GRID2: variants seen among roughly 807,000 people sequenced by gnomAD.
The protein encoded by GRID2 is glutamate ionotropic receptor delta type subunit 2.
A neutral mutation model predicts 114.8 loss-of-function variants in GRID2; 33 were observed. The ratio of observed to expected loss-of-function variants is 0.29; its 90% CI spans 0.22 to 0.38. The LOEUF (loss-of-function observed/expected upper bound fraction) is 0.38, where lower values mean the gene tolerates loss of function less well. Among genes scored for constraint, GRID2 ranks in the 10% least tolerant of loss-of-function variants. The probability of loss-of-function intolerance (pLI) is 1.00; values close to 1 mark genes in which losing one functional copy is unlikely to be tolerated. For missense variants in GRID2, 1,184 were observed against 1,257.7 expected (o/e 0.94, Z 0.89); for synonymous variants, 505 against 449.9 (o/e 1.12, Z -1.55).
chr4:93,620,331 G>A (rs1742097015), intron 13 of GRID2, among the ~76,000 whole-genome samples: 1 of 152,160 alleles, frequency 6.6e-6, no homozygotes, highest in Admixed American at 6.5e-5. Context: ...CTGTGTCTCT[G>A]AAGCCATAGA....
intron 13 of GRID2, among the ~76,000 whole-genome samples, chr4:93,616,887 C>T (rs959307667): frequency 2.4e-4 from 25 of 102,342 alleles, no homozygotes; most frequent in Non-Finnish European, 4.3e-4. Context: ...CCCAGCTACT[C>T]GGGAGGCTGA....
At chr4:92,539,637 T>C (rs905399627) in intron 1 of GRID2, among the ~76,000 whole-genome samples, 1 of 152,160 alleles carries the variant, frequency 6.6e-6, no homozygotes, top group Non-Finnish European at 1.5e-5. Flanking sequence ...TTACTAACAA[T>C]TAAATGATTG....
chr4:92,911,775 G>A (rs17020004), intron 2 of GRID2, among the ~76,000 whole-genome samples: 2,226 of 150,340 alleles, frequency 0.015, 20 homozygotes, highest in East Asian at 0.054. Flanking sequence ...GCAAATAAAT[G>A]CCTTTTTTTT....
chr4:93,153,312 T>C (rs1443935073), intron 4 of GRID2, among the ~76,000 whole-genome samples: 1 of 152,046 alleles, frequency 6.6e-6, no homozygotes, highest in Non-Finnish European at 1.5e-5. Flanking sequence ...CTGGCCAAAG[T>C]CAAATGGAGC....
chr4:93,235,042 T>C (rs1203466448), intron 7 of GRID2, among the ~76,000 whole-genome samples: 1 of 152,096 alleles, frequency 6.6e-6, no homozygotes, highest in Admixed American at 6.6e-5. Context: ...AAAGTCTCAG[T>C]AATTTTTTTT....
intron 1 of GRID2, among the ~76,000 whole-genome samples, chr4:92,463,401 A>G (rs1721591739): frequency 6.6e-6 from 1 of 152,104 alleles, no homozygotes; most frequent in Non-Finnish European, 1.5e-5. Flanking sequence ...TTGAACCACC[A>G]TATTTATTAT....
chr4:93,663,062 G>T (rs993192520), intron 14 of GRID2, among the ~76,000 whole-genome samples: 3 of 152,214 alleles, frequency 2.0e-5, no homozygotes, highest in African/African-American at 2.4e-5. Flanking sequence ...ACAGATAAAT[G>T]GAACAAATGC....
chr4:93,342,849 A>C (rs1007768993), intron 8 of GRID2, among the ~76,000 whole-genome samples: 3 of 152,128 alleles, frequency 2.0e-5, no homozygotes, highest in African/African-American at 7.2e-5. Flanking sequence ...TTTCAGGCTG[A>C]CCTTGCTTGA....
At chr4:93,284,345 G>T (rs992939031) in intron 8 of GRID2, among the ~76,000 whole-genome samples, 3 of 151,922 alleles carry the variant, frequency 2.0e-5, no homozygotes, top group African/African-American at 7.3e-5. Flanking sequence ...ACACATTGGG[G>T]CACACATTGG....
chr4:93,590,032 T>C (rs1738024718), intron 13 of GRID2, among the ~76,000 whole-genome samples: 1 of 150,612 alleles, frequency 6.6e-6, no homozygotes, highest in African/African-American at 2.4e-5. Context: ...TAGTTTCTTT[T>C]GCTGTGCAGA....
chr4:93,250,065 G>A (rs1375824568), intron 8 of GRID2, among the ~76,000 whole-genome samples: 1 of 152,032 alleles, frequency 6.6e-6, no homozygotes, highest in Non-Finnish European at 1.5e-5. Flanking sequence ...TTGCAGCACT[G>A]TTCACAATAG....
At chr4:93,014,416 G>GA (rs141738477) in intron 2 of GRID2, among the ~76,000 whole-genome samples, 7,270 of 152,102 alleles carry the variant, frequency 0.048, 302 homozygotes, top group East Asian at 0.18. Flanking sequence ...TTATCTTAAG[G>GA]AAAAATCACG....
chr4:93,023,603 AT>A (rs1723604672), intron 2 of GRID2, among the ~76,000 whole-genome samples: 1 of 151,942 alleles, frequency 6.6e-6, no homozygotes, highest in African/African-American at 2.4e-5. Context: ...GAACTATAAT[AT>A]TTTACAGATT....
intron 1 of GRID2, among the ~76,000 whole-genome samples, chr4:92,393,623 T>G (rs1378861233): frequency 2.0e-5 from 3 of 152,174 alleles, no homozygotes; most frequent in Admixed American, 6.6e-5. Flanking sequence ...ATGTTTTATT[T>G]TCTTTCACCA....
chr4:92,980,542 C>A (rs1224095349), intron 2 of GRID2, among the ~76,000 whole-genome samples: 1 of 151,886 alleles, frequency 6.6e-6, no homozygotes, highest in Non-Finnish European at 1.5e-5. Context: ...GAATATGCAT[C>A]CCTTATATAT....
intron 2 of GRID2, among the ~76,000 whole-genome samples, chr4:92,819,382 C>T (rs905791588): frequency 6.6e-6 from 1 of 152,076 alleles, no homozygotes; most frequent in African/African-American, 2.4e-5. Context: ...TACTGAGAAC[C>T]ACTGGACTAA....
chr4:93,598,488 C>T (rs188569117), intron 13 of GRID2, among the ~76,000 whole-genome samples: 1 of 152,250 alleles, frequency 6.6e-6, no homozygotes, highest in East Asian at 1.9e-4. Flanking sequence ...TAATAGGTTT[C>T]TTGCTGACAA....
At chr4:92,681,711 G>A (rs1356522642) in intron 2 of GRID2, among the ~76,000 whole-genome samples, 5 of 152,002 alleles carry the variant, frequency 3.3e-5, no homozygotes, top group Non-Finnish European at 5.9e-5. Flanking sequence ...CCACGGAATT[G>A]TACACAAGAA....
intron 1 of GRID2, among the ~76,000 whole-genome samples, chr4:92,482,863 CATT>C (rs1664723021): frequency 6.6e-6 from 1 of 152,294 alleles, no homozygotes; most frequent in East Asian, 1.9e-4. Context: ...TTATTATTAA[CATT>C]ATTCTCTAAA....
Sources: gnomAD v4.1 joint callset for allele counts (sites outside exome capture counted in the v4.1 genomes callset) on GRCh38, gnomAD v4.1.1 for gene constraint, MANE v1.5 for transcripts, NCBI Gene and HGNC (gene_info 2026-07-23, HGNC 2026-07-21) for gene names.